Variants in SYN3 observed in about 807,000 individuals in gnomAD.
SYN3 encodes the protein synapsin III, also known as synapsin-3.
SYN3 carries 35 observed loss-of-function variants against 65.8 expected under a neutral mutation model. That is an observed-to-expected ratio of 0.53 (90% CI 0.41 to 0.70). The LOEUF (loss-of-function observed/expected upper bound fraction) is 0.70. Ranked by LOEUF, SYN3 falls within the 30% of genes least tolerant of loss-of-function variation. The probability of loss-of-function intolerance (pLI) is 0.00; values close to 1 mark genes in which losing one functional copy is unlikely to be tolerated. For synonymous variants in SYN3, 270 were observed against 292.9 expected (o/e 0.92, Z 0.80); for missense variants, 680 against 749.0 (o/e 0.91, Z 1.08).
chr22:32,774,896 G>C (rs2045871808), intron 6 of SYN3, among the ~76,000 whole-genome samples: 1 of 152,178 alleles, frequency 6.6e-6, no homozygotes, highest in Admixed American at 6.5e-5. Context: ...ACTGAACAGG[G>C]GTCTTGTCTG....
intron 7 of SYN3, among the ~76,000 whole-genome samples, chr22:32,573,829 G>A (rs1055899659): frequency 6.7e-6 from 1 of 149,240 alleles, no homozygotes; most frequent in Non-Finnish European, 1.5e-5. Flanking sequence ...GAGTGCAGTG[G>A]TGTGATCTCG....
chr22:32,839,456 G>C (rs2047832278), intron 6 of SYN3, among the ~76,000 whole-genome samples: 1 of 152,014 alleles, frequency 6.6e-6, no homozygotes, highest in Non-Finnish European at 1.5e-5. Flanking sequence ...TCGCCTCATT[G>C]GACCCTTAGA....
rs905642330 is a variant in SYN3, at chr22:32,994,004, G to A, written c.311+12348C>T. Among the ~76,000 whole-genome samples, 6 of 152,044 alleles carry A rather than the reference G, an allele frequency of 3.9e-5. 1 individual carries two copies. Among genetic ancestry groups the A allele is most frequent in the Non-Finnish European group, 8.8e-5 (6 of 68,040 alleles). On this transcript the variant is annotated intron_variant, in intron 2 of 13. Transcript: ENST00000358763. ...TCCCCTAAGACTCCACTAGGGCGGGGGTAACAACTCTTCACTGTTCCCCCC... is the reference window on the plus strand; with the variant it reads ...TCCCCTAAGACTCCACTAGGGCGGGAGTAACAACTCTTCACTGTTCCCCCC...
chr22:32,610,905 T>C (rs536108961), intron 6 of SYN3, among the ~76,000 whole-genome samples: 1 of 152,362 alleles, frequency 6.6e-6, no homozygotes, highest in African/African-American at 2.4e-5. Flanking sequence ...GGTTCATCCA[T>C]GTTGTAACAT....
At chr22:32,542,336 G>T (rs557689498) in intron 7 of SYN3, among the ~76,000 whole-genome samples, 1 of 152,230 alleles carries the variant, frequency 6.6e-6, no homozygotes, top group East Asian at 1.9e-4. Context: ...TAGGGAGCAT[G>T]CATGCTGGTG....
At chr22:32,995,667 C>CT (rs60646067) in intron 2 of SYN3, among the ~76,000 whole-genome samples, 129 of 146,318 alleles carry the variant, frequency 8.8e-4, no homozygotes, top group South Asian at 1.3e-3. Flanking sequence ...ACTGAAGCTG[C>CT]TTTTTTTTTT....
rs534680525 is a variant in SYN3 at position 32,977,318 on chromosome 22, C to T, written c.369+3327G>A. 6.6e-5 allele frequency among the ~76,000 whole-genome samples: 10 copies of T among 152,238 alleles called. No homozygotes were observed. The South Asian group carries it at 2.1e-3, about 32-fold the overall frequency. On this transcript the variant is annotated intron_variant, in intron 3 of 13. Transcript: ENST00000358763. ...TAGATTTTGTACTGACAAGTTGGGC[C>T]AATGGCATTGCTAAGATAAAAGGGG...
At position 32,509,277 on chromosome 22, in the gene SYN3, G is replaced by C. The variant is rs1394553315; in HGVS notation, c.*4415C>G. On this transcript the variant is annotated 3_prime_UTR_variant, in exon 14 of 14. Transcript: ENST00000358763. ...TCAAATAGGTCTTTGTTGTGTTTCA[G>C]CTTCCCCGAGTCAGCTTGGAGGGAA... Among the ~76,000 whole-genome samples the C allele has an allele frequency of 6.6e-6, 1 of 152,128 alleles. No individual in the cohort carries two copies. The highest frequency in any genetic ancestry group is 2.4e-5 in the African/African-American group (1 of 41,426).
Position 32,511,075 on chromosome 22 carries a change from C to T in SYN3, c.*2617G>A, listed in dbSNP as rs2057686416. The stretch of plus-strand genomic sequence containing the variant: ...AACCTTATGTTAATCAATATTTATA[C>T]TCTCTTCTGTTAGATTTCTTTTAAC... On this transcript the variant is annotated 3_prime_UTR_variant, in exon 14 of 14. Transcript: ENST00000358763. Among the ~76,000 whole-genome samples, 1 of 151,494 alleles carries T rather than the reference C, an allele frequency of 6.6e-6. No homozygotes were observed. The highest frequency in any genetic ancestry group is 2.4e-5 in the African/African-American group (1 of 41,106).
intron 6 of SYN3, among the ~76,000 whole-genome samples, chr22:32,699,073 G>A (rs965398664): frequency 6.6e-6 from 1 of 152,200 alleles, no homozygotes; most frequent in Non-Finnish European, 1.5e-5. Context: ...GGCGCTAGAC[G>A]CTCTGAAACT....
At chr22:32,664,991 CTTTTTTTTTTTTT>C (rs564943069) in intron 6 of SYN3, among the ~76,000 whole-genome samples, 2 of 68,950 alleles carry the variant, frequency 2.9e-5, no homozygotes, top group African/African-American at 6.5e-5. Context: ...ATGTATAATT[CTTTTTTTTTTTTT>C]TTTTTTTTTT....
chr22:32,546,986 T>G (rs2058345489), intron 7 of SYN3, among the ~76,000 whole-genome samples: 1 of 152,030 alleles, frequency 6.6e-6, no homozygotes, highest in African/African-American at 2.4e-5. Flanking sequence ...TTTTGTTTTT[T>G]TGTTGATGTT....
chr22:32,863,015 C>T (rs989669893), intron 6 of SYN3: 3 of 152,622 alleles, frequency 2.0e-5, no homozygotes, highest in Non-Finnish European at 4.4e-5. Context: ...TTATTCTAAA[C>T]AGTAAAGTGG....
chr22:32,768,238 C>T (rs530814287), intron 6 of SYN3, among the ~76,000 whole-genome samples: 12 of 152,260 alleles, frequency 7.9e-5, no homozygotes, highest in African/African-American at 2.9e-4. Context: ...GGTCTTTCTC[C>T]TTCTCCTTGG....
intron 2 of SYN3, among the ~76,000 whole-genome samples, chr22:32,992,014 G>T (rs1403541549): frequency 6.6e-6 from 1 of 152,194 alleles, no homozygotes; most frequent in African/African-American, 2.4e-5. Flanking sequence ...TCCACCCCAG[G>T]AGTAGCTATT....
chr22:32,620,670 C>A (rs1403600923), intron 6 of SYN3, among the ~76,000 whole-genome samples: 1 of 152,104 alleles, frequency 6.6e-6, no homozygotes, highest in African/African-American at 2.4e-5. Flanking sequence ...ATGAACTTAC[C>A]TAATTTTCAA....
chr22:32,590,930 A>AT (rs2059119173), intron 7 of SYN3, among the ~76,000 whole-genome samples: 1 of 152,224 alleles, frequency 6.6e-6, no homozygotes, highest in African/African-American at 2.4e-5. Flanking sequence ...CTTAGGTTGG[A>AT]TTTTGGGTGC....
intron 6 of SYN3, among the ~76,000 whole-genome samples, chr22:32,682,294 A>G (rs1438302456): frequency 1.3e-5 from 2 of 152,208 alleles, no homozygotes; most frequent in South Asian, 2.1e-4. Context: ...CCAAATATCA[A>G]TCGTGTAGAG....
At chr22:32,863,814 T>C (rs369444945) in intron 6 of SYN3, among the ~76,000 whole-genome samples, 6 of 152,206 alleles carry the variant, frequency 3.9e-5, no homozygotes, top group African/African-American at 1.4e-4. Context: ...ACCTAGTGTG[T>C]AGACAGAACT....
Sources: gnomAD v4.1 joint callset for allele counts (sites outside exome capture counted in the v4.1 genomes callset) on GRCh38, gnomAD v4.1.1 for gene constraint, MANE v1.5 for transcripts, NCBI Gene and HGNC (gene_info 2026-07-23, HGNC 2026-07-21) for gene names.